ABCC11: variants seen among roughly 807,000 people sequenced by gnomAD.
ABCC11 encodes ATP-binding cassette sub-family C member 11.
In ABCC11, 135 loss-of-function variants were observed where a neutral mutation model predicts 149.3. The ratio of observed to expected loss-of-function variants is 0.90; its 90% confidence interval spans 0.79 to 1.04. The LOEUF is 1.04. Ranked by LOEUF, ABCC11 falls within the 50% of genes least tolerant of loss-of-function variation. The probability of loss-of-function intolerance (pLI) is 0.00; values close to 1 mark genes in which losing one functional copy is unlikely to be tolerated. For synonymous variants in ABCC11, 665 were observed against 671.4 expected (o/e 0.99, Z 0.15); for missense variants, 1,680 against 1,722.1 (o/e 0.98, Z 0.43).
intron 23 of ABCC11, among the ~76,000 whole-genome samples, chr16:48,181,712 G>A (rs773749360): frequency 9.2e-5 from 14 of 151,592 alleles, no homozygotes; most frequent in Non-Finnish European, 1.8e-4. Flanking sequence ...CCAAGTTCAC[G>A]CCATTCTCCT....
At position 48,178,630 on chromosome 16, in the gene ABCC11, G is replaced by A. The variant is rs767105845; in HGVS notation, c.3315C>T (p.Phe1105=). 3.2e-5 allele frequency: 51 copies of A among 1,613,994 alleles called. No homozygotes were observed. Among genetic ancestry groups the A allele is most frequent in the Non-Finnish European group, 4.2e-5 (49 of 1,180,032 alleles). ...ARIGLETEAQ[F]TAVERILQYM... ...ACTGCAGTATCCTCTCTACAGCCGT[G>A]AACTGTGCCTCTGTCTCCAAGCCAA... Residue 1105 remains phenylalanine, a synonymous_variant, in exon 24 of 30, where the codon TTC becomes TTT. Coordinates refer to ENST00000356608, the MANE Select transcript of ABCC11 (RefSeq NM_001370497.1).
At chr16:48,202,915 C>T (rs1040609875) in intron 14 of ABCC11, among the ~76,000 whole-genome samples, 3 of 152,160 alleles carry the variant, frequency 2.0e-5, no homozygotes, top group African/African-American at 4.8e-5. Context: ...TTGCACCAGC[C>T]GGAGTGGGGC....
Position 48,184,487 on chromosome 16 carries a change from A to T in ABCC11, c.3211T>A (p.Ser1071Thr). The part of the protein sequence containing the change: ...VALFVAFGIS[S>T]TPYSFKVMAV... Reference sequence around the variant, plus strand: ...ATGACTTTAAAGGAGTAGGGGGTGGAGGAAATGCCAAAAGCCACGAACAGG... The same window carrying T: ...ATGACTTTAAAGGAGTAGGGGGTGGTGGAAATGCCAAAAGCCACGAACAGG... Residue 1071 changes from serine (S) to threonine (T), a missense_variant, in exon 23 of 30, where the codon TCC becomes ACC. Coordinates refer to ENST00000356608, the MANE Select transcript of ABCC11 (RefSeq NM_001370497.1). 1 of 1,614,228 alleles carries T rather than the reference A, an allele frequency of 6.2e-7. No individual in the cohort carries two copies. Among genetic ancestry groups the T allele is most frequent in the Non-Finnish European group, 8.5e-7 (1 of 1,180,034 alleles).
Position 48,167,173 on chromosome 16 carries a change from C to G in ABCC11, c.*101G>C. ...TTTACCCCTGCTTCCAGGAGAAGTT[C>G]TCATCTCCAAACAAGAAGGTCGCAG... On this transcript the variant is annotated 3_prime_UTR_variant, in exon 30 of 30. Coordinates refer to ENST00000356608, the MANE Select transcript of ABCC11 (RefSeq NM_001370497.1). 8.3e-6 allele frequency: 4 copies of G among 484,508 alleles called. No homozygotes were observed. Among genetic ancestry groups the G allele is most frequent in the East Asian group, 4.9e-5 (1 of 20,300 alleles). 30.0% of individuals were successfully genotyped at this position (484,508 alleles called of 1,614,324 possible). A position where few individuals can be genotyped will look rare whatever the true frequency, so the allele number is the denominator to read the frequency against.
chr16:48,193,821 G>A, intron 19 of ABCC11, 58 bp downstream of exon 19: 1 of 1,427,482 alleles, frequency 7.0e-7, no homozygotes, highest in African/African-American at 1.4e-5. Context: ...GGAGCAAGAA[G>A]TCACCCCACC....
chr16:48,231,844 G>A lies in ABCC11; in HGVS notation c.78C>T (p.Asp26=). The stretch of plus-strand genomic sequence containing the variant: ...TTACATAAATAAGTCCTGAAACCAT[G>A]TCATCGCCTATGTCGATGCCACGAT... The part of the protein sequence containing the change: ...LVNRGIDIGD[D]MVSGLIYKTY... Residue 26 remains aspartate (D), a synonymous_variant, in exon 2 of 30, where the codon GAC becomes GAT. Coordinates refer to ENST00000356608, the MANE Select transcript of ABCC11 (RefSeq NM_001370497.1). 6.2e-7 allele frequency: 1 copy of A among 1,614,140 alleles called. No individual in the cohort carries two copies. Among genetic ancestry groups the A allele is most frequent in the East Asian group, 2.2e-5 (1 of 44,874 alleles).
chr16:48,196,165 A>C lies in ABCC11; in HGVS notation c.2404+67T>G, dbSNP rs926545361. ...TACTTCACATGACCTCACGTGTTCC[A>C]ATCTGACCCAGTTCCAGGGATAGGG... is the stretch of plus-strand genomic sequence containing the variant. On this transcript the variant is annotated intron_variant, in intron 18 of 29. Coordinates refer to ENST00000356608, the MANE Select transcript of ABCC11 (RefSeq NM_001370497.1). The C allele has an allele frequency of 1.8e-5, 28 of 1,535,700 alleles. 3 individuals are homozygous for C. Among genetic ancestry groups the C allele is most frequent in the Admixed American group, 1.2e-4 (7 of 58,884 alleles).
intron 23 of ABCC11, 130 bp from the exon 24 acceptor site, chr16:48,178,816 A>G (rs1966254210): frequency 7.7e-6 from 6 of 779,534 alleles, no homozygotes; most frequent in Non-Finnish European, 1.2e-5. Flanking sequence ...TTTCCTAGCA[A>G]GAATGGAGCA....
At chr16:48,203,091 T>C (rs1276311218) in intron 14 of ABCC11, 137 bp downstream of exon 14, 3 of 986,566 alleles carry the variant, frequency 3.0e-6, no homozygotes, top group Non-Finnish European at 4.5e-6. Context: ...GCTTTGCTCC[T>C]CCTGCAGCAG....
chr16:48,198,702 C>A (rs1967663242), intron 15 of ABCC11, among the ~76,000 whole-genome samples: 1 of 146,032 alleles, frequency 6.8e-6, no homozygotes, highest in African/African-American at 2.5e-5. Flanking sequence ...GAAATAAATT[C>A]TGGTACATTC....
rs367965689 is a variant in ABCC11 at position 48,211,343 on chromosome 16, T to C, written c.1357-144A>G. 1.5e-4 allele frequency: 154 copies of C among 1,021,774 alleles called. No homozygotes were observed. In the East Asian group the frequency reaches 3.4e-3, roughly 23 times the overall value. 63.3% of individuals were successfully genotyped at this position (1,021,774 alleles called of 1,614,324 possible). A position where few individuals can be genotyped will look rare whatever the true frequency, so the allele number is the denominator to read the frequency against. The stretch of plus-strand genomic sequence containing the variant: ...TAAAAGTTTGCAGAAGTACCACCAG[T>C]TAGGAAAGGCCAGTTTCTGTGGGTG... On this transcript the variant is annotated intron_variant, in intron 10 of 29. Coordinates refer to ENST00000356608, the MANE Select transcript of ABCC11 (RefSeq NM_001370497.1).
intron 25 of ABCC11, among the ~76,000 whole-genome samples, chr16:48,175,715 G>A (rs1966018903): frequency 6.6e-6 from 1 of 152,154 alleles, no homozygotes; most frequent in African/African-American, 2.4e-5. Context: ...TTCCTTGCCA[G>A]CATTTTTAAA....
intron 28 of ABCC11, among the ~76,000 whole-genome samples, chr16:48,169,778 AG>A (rs1240890774): frequency 1.5e-5 from 1 of 66,418 alleles, no homozygotes; most frequent in Non-Finnish European, 2.7e-5. Flanking sequence ...GGGTGGGGGG[AG>A]GGGGGAGGGA....
At chr16:48,169,880 C>T (rs963141565) in intron 28 of ABCC11, among the ~76,000 whole-genome samples, 3 of 151,956 alleles carry the variant, frequency 2.0e-5, no homozygotes, top group African/African-American at 4.8e-5. Context: ...CAAACCTGCA[C>T]GTTGTGCACA....
intron 10 of ABCC11, 31 bp downstream of exon 10, chr16:48,213,412 G>A (rs1472975939): frequency 4.4e-6 from 7 of 1,578,010 alleles, no homozygotes; most frequent in Non-Finnish European, 6.1e-6. Flanking sequence ...GTCCAAGCAG[G>A]GGGCCTACAG....
chr16:48,178,444 C>A (rs1201545278), intron 24 of ABCC11, among the ~76,000 whole-genome samples, 153 bp downstream of exon 24: 2 of 152,108 alleles, frequency 1.3e-5, no homozygotes, highest in African/African-American at 4.8e-5. Flanking sequence ...AGATGGTCAA[C>A]AAAAGTCTGG....
intron 20 of ABCC11, among the ~76,000 whole-genome samples, chr16:48,190,455 G>T (rs929249766): frequency 1.3e-5 from 2 of 151,906 alleles, no homozygotes; most frequent in Non-Finnish European, 2.9e-5. Context: ...CCACCTCCCT[G>T]GCTCAAGCGA....
intron 1 of ABCC11, among the ~76,000 whole-genome samples, chr16:48,246,189 A>G (rs1051763247): frequency 1.3e-5 from 2 of 152,266 alleles, no homozygotes; most frequent in Middle Eastern, 3.4e-3. Context: ...ATTCATTTAT[A>G]TTGTAAAAGC....
Position 48,187,090 on chromosome 16 carries a change from C to G in ABCC11, c.2934G>C (p.Met978Ile). The part of the protein sequence containing the change: ...IIMVICFIYY[M>I]MFKKAIGVFK... ...ACACACCGATGGCCTTCTTGAACATCCTGCATGGACAGTGGAGGTAAGGGA... is the reference window on the plus strand; with the variant it reads ...ACACACCGATGGCCTTCTTGAACATGCTGCATGGACAGTGGAGGTAAGGGA... Residue 978 changes from methionine to isoleucine, a missense_variant and splice_region_variant, in exon 22 of 30, where the codon ATG becomes ATC. Physicochemically the swap from Met to Ile is conservative, Grantham distance 10. Coordinates refer to ENST00000356608, the MANE Select transcript of ABCC11 (RefSeq NM_001370497.1). The G allele has an allele frequency of 6.2e-7, 1 of 1,614,164 alleles. No homozygotes were observed. Among genetic ancestry groups the G allele is most frequent in the Non-Finnish European group, 8.5e-7 (1 of 1,180,012 alleles).
Sources: gnomAD v4.1 joint callset for allele counts (sites outside exome capture counted in the v4.1 genomes callset) on GRCh38, gnomAD v4.1.1 for gene constraint, MANE v1.5 for transcripts, NCBI Gene and HGNC (gene_info 2026-07-23, HGNC 2026-07-21) for gene names.